Variants in SV2C observed in about 807,000 individuals in gnomAD.
SV2C encodes synaptic vesicle glycoprotein 2C.
SV2C carries 49 observed loss-of-function variants against 79.7 expected under a neutral mutation model. That is an observed-to-expected ratio of 0.61 (90% confidence interval 0.49 to 0.78). The LOEUF (loss-of-function observed/expected upper bound fraction) is 0.78. Ranked by LOEUF, SV2C falls within the 30% of genes least tolerant of loss-of-function variation. SV2C has a pLI of 0.00. For missense variants in SV2C, 833 were observed against 912.9 expected, an observed-to-expected ratio of 0.91 and a Z score of 1.13; for synonymous variants, 334 against 333.2, an observed-to-expected ratio of 1.00 and a Z score of -0.03.
chr5:76,071,389 T>A, the SV2C span, among the ~76,000 whole-genome samples: 1 of 152,106 alleles, frequency 6.6e-6, no homozygotes, highest in Non-Finnish European at 1.5e-5. Flanking sequence ...TATGGGAGAT[T>A]TAATGTTGGT....
chr5:76,296,244 G>A, intron 9 of SV2C: 1 of 184,888 alleles, frequency 5.4e-6, no homozygotes, highest in Non-Finnish European at 1.1e-5. Context: ...AATAATGGAA[G>A]GAAGAGAAGA....
intron 4 of SV2C, among the ~76,000 whole-genome samples, chr5:76,219,351 T>A (rs1350151493): frequency 6.6e-6 from 1 of 152,244 alleles, no homozygotes; most frequent in Non-Finnish European, 1.5e-5. Context: ...GGCTTCCGAT[T>A]TCCTTCAGTG....
At position 76,299,294 on chromosome 5, in the gene SV2C, G is replaced by T. The variant is rs1050506882; in HGVS notation, c.1636+367G>T. On this transcript the variant is annotated intron_variant, in intron 10 of 12. Transcript: ENST00000502798. ...AGCCAACAGAGATAGACAACATGTG[G>T]CTATGCTCAGATACATATATATTTT... 2.0e-5 allele frequency among the ~76,000 whole-genome samples: 3 copies of T among 152,150 alleles called. No individual in the cohort carries two copies. In the South Asian group the frequency reaches 6.2e-4, roughly 32 times the overall value.
chr5:76,108,593 C>T (rs1482352185), intron 1 of SV2C, among the ~76,000 whole-genome samples: 1 of 152,026 alleles, frequency 6.6e-6, no homozygotes, highest in Non-Finnish European at 1.5e-5. Context: ...ATACCTTTCT[C>T]TTATGCAAAA....
chr5:76,118,457 C>T (rs942295304), intron 1 of SV2C, among the ~76,000 whole-genome samples: 7 of 152,110 alleles, frequency 4.6e-5, no homozygotes, highest in Non-Finnish European at 8.8e-5. Context: ...TACTACAAAC[C>T]TCAATACAAA....
At chr5:75,920,373 A>T in the SV2C span, among the ~76,000 whole-genome samples, 2 of 152,362 alleles carry the variant, frequency 1.3e-5, no homozygotes, top group East Asian at 3.9e-4. Flanking sequence ...AAAACTTTAG[A>T]TGGGAGTCTT....
the SV2C span, among the ~76,000 whole-genome samples, chr5:75,984,834 G>A: frequency 6.6e-6 from 1 of 151,976 alleles, no homozygotes; most frequent in Admixed American, 6.6e-5. Context: ...ATTCTTCTCT[G>A]CAGGTTTTCA....
At chr5:76,042,567 T>A in the SV2C span, among the ~76,000 whole-genome samples, 2 of 152,240 alleles carry the variant, frequency 1.3e-5, no homozygotes, top group African/African-American at 4.8e-5. Flanking sequence ...CCTTTGGCAG[T>A]TGCCTCTGTC....
intron 3 of SV2C, among the ~76,000 whole-genome samples, chr5:76,205,777 C>A (rs1744590233): frequency 6.6e-6 from 1 of 152,154 alleles, no homozygotes. Context: ...AAAACTTTCC[C>A]AACCCTAGCG....
chr5:76,033,716 G>C, the SV2C span, among the ~76,000 whole-genome samples: 1 of 152,212 alleles, frequency 6.6e-6, no homozygotes, highest in Non-Finnish European at 1.5e-5. Context: ...GCTCAGGATT[G>C]ACTTGGCAAT....
chr5:76,156,667 A>C (rs1356562193), intron 2 of SV2C, among the ~76,000 whole-genome samples: 1 of 152,226 alleles, frequency 6.6e-6, no homozygotes. Flanking sequence ...TAAATACATA[A>C]AAGTAGGTAT....
At chr5:76,112,388 G>A (rs1421681101) in intron 1 of SV2C, among the ~76,000 whole-genome samples, 1 of 152,182 alleles carries the variant, frequency 6.6e-6, no homozygotes, top group Non-Finnish European at 1.5e-5. Flanking sequence ...TGCAACACAG[G>A]AGAACAGCAA....
At chr5:76,033,464 A>G in the SV2C span, among the ~76,000 whole-genome samples, 1 of 152,210 alleles carries the variant, frequency 6.6e-6, no homozygotes, top group African/African-American at 2.4e-5. Flanking sequence ...CTTTCTACAT[A>G]TGGCTAGCCA....
chr5:76,142,814 G>T (rs13153946), intron 2 of SV2C, among the ~76,000 whole-genome samples: 61,878 of 151,734 alleles, frequency 0.41, 14,695 homozygotes, highest in Non-Finnish European at 0.54. Flanking sequence ...GGAAATGCCA[G>T]ACAACACAGG....
intron 2 of SV2C, among the ~76,000 whole-genome samples, chr5:76,154,149 C>T (rs1742653345): frequency 6.6e-6 from 1 of 152,082 alleles, no homozygotes. Context: ...AATACATCTC[C>T]CACTCATTGT....
intron 7 of SV2C, 140 bp downstream of exon 7, chr5:76,291,471 G>A (rs776133850): frequency 1.5e-6 from 1 of 650,326 alleles, no homozygotes; most frequent in Non-Finnish European, 2.6e-6. Flanking sequence ...CTAGAGCCAG[G>A]TAATTGGATC....
At chr5:76,170,932 GA>G (rs1393237820) in intron 2 of SV2C, 1 of 412,330 alleles carries the variant, frequency 2.4e-6, no homozygotes, top group African/African-American at 2.7e-5. Context: ...CTGCAGCTAT[GA>G]AGCGGAGCCG....
At chr5:76,048,963 AAGAG>A in the SV2C span, among the ~76,000 whole-genome samples, 1 of 39,282 alleles carries the variant, frequency 2.5e-5, no homozygotes, top group Non-Finnish European at 5.3e-5. Flanking sequence ...GAGAAAGAAA[AAGAG>A]AAAGAAAGAA....
intron 1 of SV2C, among the ~76,000 whole-genome samples, chr5:76,093,493 A>G (rs1428735454): frequency 4.6e-5 from 7 of 152,214 alleles, no homozygotes; most frequent in East Asian, 1.9e-4. Context: ...CTTGTGACCA[A>G]ATTCTAAGCC....
Sources: gnomAD v4.1 joint callset for allele counts (sites outside exome capture counted in the v4.1 genomes callset) on GRCh38, gnomAD v4.1.1 for gene constraint, MANE v1.5 for transcripts, NCBI Gene and HGNC (gene_info 2026-07-23, HGNC 2026-07-21) for gene names.